NELL1: variants seen among roughly 807,000 people sequenced by gnomAD.
NELL1 encodes the protein neural EGFL like 1.
Under a neutral mutation model 107.4 loss-of-function variants are expected in NELL1, and 76 were observed. The ratio of observed to expected loss-of-function variants is 0.71; its 90% CI spans 0.59 to 0.86. The LOEUF (loss-of-function observed/expected upper bound fraction) is 0.86. Among genes scored for constraint, NELL1 ranks in the 40% least tolerant of loss-of-function variants. NELL1 has a pLI of 0.00. For synonymous variants in NELL1, 353 were observed against 341.2 expected (o/e 1.03, Z -0.38); for missense variants, 1,024 against 1,005.5 (o/e 1.02, Z -0.25).
intron 9 of NELL1, among the ~76,000 whole-genome samples, chr11:20,937,198 C>T (rs549054095): frequency 1.7e-4 from 26 of 152,350 alleles, no homozygotes; most frequent in African/African-American, 5.8e-4. Context: ...AGTTCACCCC[C>T]GCTGCCCTTC....
intron 4 of NELL1, among the ~76,000 whole-genome samples, chr11:20,864,074 G>T (rs897783228): frequency 6.6e-6 from 1 of 151,702 alleles, no homozygotes; most frequent in Non-Finnish European, 1.5e-5. Context: ...CCCAGCCTCG[G>T]CTGGGCATCA....
intron 5 of NELL1, among the ~76,000 whole-genome samples, chr11:20,906,616 A>G (rs573235164): frequency 2.5e-4 from 38 of 152,218 alleles, no homozygotes; most frequent in African/African-American, 8.9e-4. Context: ...AATGAACTGA[A>G]TCCAACAGTG....
chr11:21,182,788 G>C (rs890730462), intron 13 of NELL1, among the ~76,000 whole-genome samples: 2 of 151,698 alleles, frequency 1.3e-5, no homozygotes, highest in Non-Finnish European at 2.9e-5. Context: ...GTAAAGAGAG[G>C]CTGGCCAGCT....
At chr11:21,355,806 ATTCTTGACC>A (rs1348786642) in intron 14 of NELL1, among the ~76,000 whole-genome samples, 1 of 152,198 alleles carries the variant, frequency 6.6e-6, no homozygotes, top group Non-Finnish European at 1.5e-5. Flanking sequence ...CTATGGAGCC[ATTCTTGACC>A]TTCTGGTCAG....
At chr11:21,539,386 G>T (rs1856231337) in intron 16 of NELL1, among the ~76,000 whole-genome samples, 1 of 152,066 alleles carries the variant, frequency 6.6e-6, no homozygotes, top group Non-Finnish European at 1.5e-5. Flanking sequence ...CACAAGGACA[G>T]AGGGCCAGTG....
At chr11:21,244,039 A>G (rs1356961568) in intron 14 of NELL1, among the ~76,000 whole-genome samples, 1 of 152,110 alleles carries the variant, frequency 6.6e-6, no homozygotes, top group East Asian at 1.9e-4. Flanking sequence ...GAATCCATAT[A>G]CCAGAGGTTG....
chr11:21,383,851 C>A (rs1255928969), intron 15 of NELL1: 1 of 151,618 alleles, frequency 6.6e-6, no homozygotes, highest in Non-Finnish European at 1.5e-5. Flanking sequence ...CAGGCCCGAC[C>A]CTTTGGCTTC....
chr11:21,439,638 A>C (rs1853228010), intron 15 of NELL1, among the ~76,000 whole-genome samples: 1 of 152,146 alleles, frequency 6.6e-6, no homozygotes, highest in Non-Finnish European at 1.5e-5. Context: ...ATTTCTTACT[A>C]ATACAGTGCC....
At chr11:20,966,849 C>T (rs761706725) in intron 12 of NELL1, among the ~76,000 whole-genome samples, 14 of 151,862 alleles carry the variant, frequency 9.2e-5, no homozygotes, top group Admixed American at 3.3e-4. Context: ...CCGCCCCCTG[C>T]CCCGACACAC....
At chr11:21,493,162 A>G (rs1257752884) in intron 15 of NELL1, among the ~76,000 whole-genome samples, 5 of 152,118 alleles carry the variant, frequency 3.3e-5, no homozygotes, top group East Asian at 1.9e-4. Flanking sequence ...TAAAACCACT[A>G]TGGAGAACAG....
intron 12 of NELL1, among the ~76,000 whole-genome samples, chr11:20,985,396 C>A (rs1851832517): frequency 6.6e-6 from 1 of 152,100 alleles, no homozygotes; most frequent in South Asian, 2.1e-4. Flanking sequence ...TGTCTATATT[C>A]AACTTTGCTG....
intron 2 of NELL1, among the ~76,000 whole-genome samples, chr11:20,771,424 C>T (rs1856637973): frequency 6.6e-6 from 1 of 152,322 alleles, no homozygotes; most frequent in East Asian, 1.9e-4. Context: ...GGAAGTCAGA[C>T]ATTAATCCAC....
intron 4 of NELL1, among the ~76,000 whole-genome samples, chr11:20,866,139 T>C (rs951657815): frequency 3.9e-5 from 6 of 152,144 alleles, no homozygotes; most frequent in African/African-American, 1.4e-4. Flanking sequence ...GGAGTTACCA[T>C]CTCTGTGATG....
At chr11:20,895,666 C>T (rs530034327) in intron 5 of NELL1, among the ~76,000 whole-genome samples, 7 of 151,964 alleles carry the variant, frequency 4.6e-5, no homozygotes, top group South Asian at 2.1e-4. Flanking sequence ...CCACCATGCC[C>T]GGCTAATTTT....
intron 3 of NELL1, among the ~76,000 whole-genome samples, chr11:20,792,943 T>A (rs544367852): frequency 1.0e-3 from 155 of 152,122 alleles, no homozygotes; most frequent in African/African-American, 3.7e-3. Context: ...GAATTTTTTA[T>A]GTGCTAGACT....
chr11:20,874,171 G>A (rs1056435565), intron 4 of NELL1, among the ~76,000 whole-genome samples: 2 of 152,112 alleles, frequency 1.3e-5, no homozygotes, highest in African/African-American at 2.4e-5. Flanking sequence ...GGGTTTAAGC[G>A]ATTCTCCTGC....
chr11:20,746,407 G>T (rs1856003609), intron 2 of NELL1, among the ~76,000 whole-genome samples: 1 of 152,276 alleles, frequency 6.6e-6, no homozygotes, highest in Non-Finnish European at 1.5e-5. Flanking sequence ...TCTTAGGCAA[G>T]TAACTTAACC....
At chr11:21,284,943 A>G (rs940054114) in intron 14 of NELL1, 29 of 209,028 alleles carry the variant, frequency 1.4e-4, no homozygotes, top group African/African-American at 6.6e-4. Context: ...TTGAAATGTC[A>G]ATTAATTGTT....
At chr11:21,014,439 A>C (rs1852519533) in intron 12 of NELL1, among the ~76,000 whole-genome samples, 2 of 152,136 alleles carry the variant, frequency 1.3e-5, no homozygotes, top group African/African-American at 4.8e-5. Flanking sequence ...AGTTGAATGT[A>C]CCACTTTCTC....
Sources: gnomAD v4.1 joint callset for allele counts (sites outside exome capture counted in the v4.1 genomes callset) on GRCh38, gnomAD v4.1.1 for gene constraint, MANE v1.5 for transcripts, NCBI Gene and HGNC (gene_info 2026-07-23, HGNC 2026-07-21) for gene names.